The following SNTB1 variants were observed in gnomAD, a reference collection of about 807,000 sequenced individuals.
SNTB1 encodes syntrophin beta 1, also known as beta-1-syntrophin.
A neutral mutation model predicts 48.9 loss-of-function variants in SNTB1; 36 were observed. That is an observed-to-expected ratio of 0.74 (90% confidence interval 0.56 to 0.97). The LOEUF (loss-of-function observed/expected upper bound fraction) is 0.97. Ranked by LOEUF, SNTB1 falls within the 50% of genes least tolerant of loss-of-function variation. The probability of loss-of-function intolerance (pLI) is 0.00; values close to 1 mark genes in which losing one functional copy is unlikely to be tolerated. For missense variants in SNTB1, 786 were observed against 703.4 expected, an observed-to-expected ratio of 1.12 and a Z score of -1.33; for synonymous variants, 299 against 294.6, an observed-to-expected ratio of 1.01 and a Z score of -0.15.
intron 4 of SNTB1, among the ~76,000 whole-genome samples, chr8:120,567,752 A>G (rs1028071183): frequency 2.0e-5 from 3 of 151,940 alleles, no homozygotes; most frequent in African/African-American, 7.3e-5. Flanking sequence ...TGATAATATT[A>G]CCCAAGGTGA....
At position 120,697,121 on chromosome 8, in the gene SNTB1, T is replaced by TAG. The variant is rs1818225203; in HGVS notation, c.572-3214_572-3213insCT. Among the ~76,000 whole-genome samples the TAG allele has an allele frequency of 3.9e-5, 6 of 152,328 alleles. No homozygotes were observed. The South Asian group carries it at 1.2e-3, about 32-fold the overall frequency. ...TAAGGGAAGAGTAATCCCAGAAATG[T>TAG]GTGGCTTTAGCCATTCCTGGGAAGA... is the stretch of plus-strand genomic sequence containing the variant. On this transcript the variant is annotated intron_variant, in intron 1 of 6. Coordinates refer to ENST00000517992, the MANE Select transcript of SNTB1 (RefSeq NM_021021.4).
At chr8:120,727,013 A>C (rs2129965262) in intron 1 of SNTB1, among the ~76,000 whole-genome samples, 1 of 152,336 alleles carries the variant, frequency 6.6e-6, no homozygotes, top group Non-Finnish European at 1.5e-5. Flanking sequence ...GAATTATAGG[A>C]AGCCTGCTGT....
chr8:120,798,152 C>T (rs1378803805), intron 1 of SNTB1, among the ~76,000 whole-genome samples: 1 of 151,966 alleles, frequency 6.6e-6, no homozygotes, highest in Non-Finnish European at 1.5e-5. Context: ...AATTTGCTGC[C>T]CTACAGTTAA....
chr8:120,673,118 G>A (rs1176475428), intron 2 of SNTB1, among the ~76,000 whole-genome samples: 1 of 152,084 alleles, frequency 6.6e-6, no homozygotes, highest in Non-Finnish European at 1.5e-5. Context: ...CCTAAGAGAG[G>A]TGGAGCTTCC....
intron 3 of SNTB1, among the ~76,000 whole-genome samples, chr8:120,592,257 C>A (rs1441666585): frequency 6.6e-6 from 1 of 152,078 alleles, no homozygotes; most frequent in South Asian, 2.1e-4. Context: ...TCACGGCATG[C>A]TGCAGCCTCA....
At chr8:120,730,195 G>A (rs185214432) in intron 1 of SNTB1, among the ~76,000 whole-genome samples, 2 of 152,052 alleles carry the variant, frequency 1.3e-5, no homozygotes, top group East Asian at 3.9e-4. Flanking sequence ...GTCTTGCTCT[G>A]TCGCCTAGGC....
At chr8:120,684,881 C>T (rs1227441868) in intron 2 of SNTB1, among the ~76,000 whole-genome samples, 1 of 152,148 alleles carries the variant, frequency 6.6e-6, no homozygotes, top group East Asian at 1.9e-4. Flanking sequence ...GTCTTGAACT[C>T]CTGACCTCAG....
chr8:120,647,106 CA>C lies in SNTB1; in HGVS notation c.789-14456del, dbSNP rs1351387852. Among the ~76,000 whole-genome samples the C allele has an allele frequency of 1.6e-3, 220 of 139,668 alleles. 1 individual carries two copies. The highest frequency in any genetic ancestry group is 2.5e-3 in the Non-Finnish European group (160 of 64,290). The allele number at this position is 139,668 out of a possible 152,430, so 91.6% of individuals were successfully genotyped here. A position where few individuals can be genotyped will look rare whatever the true frequency, so the allele number is the denominator to read the frequency against. The stretch of plus-strand genomic sequence containing the variant: ...GGTCTATCAATTTTGTTGATCCTTT[CA>C]AAAAACCAGCTCCTGGATTCATTAA... On this transcript the variant is annotated intron_variant, in intron 2 of 6. Transcript: ENST00000517992.
intron 4 of SNTB1, among the ~76,000 whole-genome samples, chr8:120,573,459 A>G (rs748091765): frequency 1.3e-5 from 2 of 152,140 alleles, no homozygotes; most frequent in African/African-American, 2.4e-5. Flanking sequence ...TTAATTAGAT[A>G]TGAGGTCTCC....
chr8:120,594,233 T>C (rs539930276), intron 3 of SNTB1, among the ~76,000 whole-genome samples: 1 of 151,426 alleles, frequency 6.6e-6, no homozygotes, highest in Admixed American at 6.6e-5. Context: ...TGAGCTATTA[T>C]GTATGTATGT....
intron 1 of SNTB1, among the ~76,000 whole-genome samples, chr8:120,761,623 CA>C (rs1819421522): frequency 1.3e-5 from 2 of 152,142 alleles, no homozygotes; most frequent in African/African-American, 4.8e-5. Context: ...AAACTTGGAA[CA>C]CATTGTATTA....
At chr8:120,749,047 T>G (rs1163613143) in intron 1 of SNTB1, among the ~76,000 whole-genome samples, 1 of 152,238 alleles carries the variant, frequency 6.6e-6, no homozygotes, top group East Asian at 1.9e-4. Flanking sequence ...AGTAATCATA[T>G]AAATCTAAAT....
intron 1 of SNTB1, among the ~76,000 whole-genome samples, chr8:120,697,072 C>G (rs572206406): frequency 6.6e-6 from 1 of 152,206 alleles, no homozygotes; most frequent in East Asian, 1.9e-4. Context: ...AGAGATAACC[C>G]AAGTAACACT....
chr8:120,575,032 A>G, intron 4 of SNTB1, 54 bp downstream of exon 4: 1 of 1,611,684 alleles, frequency 6.2e-7, no homozygotes, highest in Admixed American at 1.7e-5. Flanking sequence ...ATTGTAATTC[A>G]TTAAATAGAA....
intron 2 of SNTB1, among the ~76,000 whole-genome samples, chr8:120,680,570 T>C (rs185822138): frequency 1.4e-3 from 215 of 152,238 alleles, no homozygotes; most frequent in African/African-American, 4.9e-3. Context: ...AAATTTCACA[T>C]GTGTCAAAAG....
chr8:120,560,081 A>C (rs1441467019), intron 4 of SNTB1, among the ~76,000 whole-genome samples: 1 of 152,236 alleles, frequency 6.6e-6, no homozygotes, highest in Non-Finnish European at 1.5e-5. Context: ...ACTAACAAGT[A>C]CCAAATTGTC....
At chr8:120,755,700 C>T (rs565667282) in intron 1 of SNTB1, among the ~76,000 whole-genome samples, 1 of 152,016 alleles carries the variant, frequency 6.6e-6, no homozygotes, top group African/African-American at 2.4e-5. Flanking sequence ...ATGCCAAATG[C>T]ATTTTCTCAC....
chr8:120,630,436 G>A (rs1816960851), intron 3 of SNTB1, among the ~76,000 whole-genome samples: 1 of 152,182 alleles, frequency 6.6e-6, no homozygotes, highest in Non-Finnish European at 1.5e-5. Flanking sequence ...GTTGGCCCTG[G>A]AGTTCTTCTC....
At chr8:120,651,972 C>T (rs942876281) in intron 2 of SNTB1, among the ~76,000 whole-genome samples, 10 of 152,026 alleles carry the variant, frequency 6.6e-5, no homozygotes, top group Admixed American at 6.5e-4. Context: ...GAGATGAGTT[C>T]AATTAGGAGG....
Sources: allele counts gnomAD v4.1 joint callset (sites outside exome capture counted in the v4.1 genomes callset), GRCh38; gene constraint gnomAD v4.1.1; transcripts MANE v1.5; gene names NCBI Gene and HGNC (gene_info 2026-07-23, HGNC 2026-07-21).